The following SPIRE1 variants were observed in gnomAD, a reference collection of about 807,000 sequenced individuals.
SPIRE1 encodes protein spire homolog 1.
In SPIRE1, 40 loss-of-function variants were observed where a neutral mutation model predicts 94.1. The observed-to-expected ratio is 0.43, with a 90% CI of 0.33 to 0.55. The LOEUF (loss-of-function observed/expected upper bound fraction) is 0.55, where lower values mean the gene tolerates loss of function less well. SPIRE1 is among the 20% of genes least tolerant of loss of function. The pLI, the probability that SPIRE1 is intolerant of heterozygous loss-of-function variation, is 0.06. For synonymous variants in SPIRE1, 376 were observed against 371.7 expected (o/e 1.01, Z -0.13); for missense variants, 838 against 975.2 (o/e 0.86, Z 1.87).
At chr18:12,507,115 T>G (rs1207413920) in intron 5 of SPIRE1, among the ~76,000 whole-genome samples, 1 of 152,188 alleles carries the variant, frequency 6.6e-6, no homozygotes, top group Non-Finnish European at 1.5e-5. Flanking sequence ...TGGGTTAGCC[T>G]GTGGTCCCGG....
chr18:12,480,419 A>C (rs2032796293), intron 9 of SPIRE1, among the ~76,000 whole-genome samples: 1 of 152,230 alleles, frequency 6.6e-6, no homozygotes, highest in Admixed American at 6.5e-5. Flanking sequence ...CAATACAACA[A>C]ATGACAGACA....
intron 1 of SPIRE1, chr18:12,656,803 G>A: frequency 7.4e-6 from 3 of 403,428 alleles, no homozygotes; most frequent in Non-Finnish European, 1.0e-5. Flanking sequence ...ACGTAACTAA[G>A]GCCCATTTTC....
At chr18:12,569,069 G>A (rs1422319102) in intron 2 of SPIRE1, among the ~76,000 whole-genome samples, 4 of 152,118 alleles carry the variant, frequency 2.6e-5, no homozygotes, top group Admixed American at 6.5e-5. Flanking sequence ...GGCCGGGTGC[G>A]GTGGCTCATG....
At chr18:12,471,785 ATCT>A (rs939393502) in intron 10 of SPIRE1, among the ~76,000 whole-genome samples, 28 of 152,180 alleles carry the variant, frequency 1.8e-4, no homozygotes, top group South Asian at 1.2e-3. Context: ...CTGTTTTGTT[ATCT>A]TCTTCTTCTT....
At chr18:12,549,512 C>T (rs1368023632) in intron 2 of SPIRE1, among the ~76,000 whole-genome samples, 2 of 120,428 alleles carry the variant, frequency 1.7e-5, no homozygotes, top group East Asian at 2.9e-4. Context: ...AGTGTAGTGG[C>T]GCGATCTCGG....
chr18:12,657,551 C>G lies in SPIRE1; in HGVS notation c.316G>C (p.Gly106Arg). ...TCACCCGCAACTGGGGGCGGCTCTC[C>G]CGCGTCGTCGGCCGCGGGCGCCAGG... The part of the protein sequence containing the change: ...VTLAPAADDA[G>R]EPPPVAGKLG... The change falls in exon 1 of 17, where the codon GGA (glycine) becomes CGA (arginine). Residue 106 changes from glycine to arginine, a missense_variant. Gly to Arg is a moderately radical substitution (Grantham distance 125). This residue lies in a region of SPIRE1 where 193 missense variants were observed against 170.5 expected (regional missense o/e 1.13). Coordinates refer to ENST00000409402, the MANE Select transcript of SPIRE1 (RefSeq NM_001128626.2). 1.6e-6 allele frequency: 2 copies of G among 1,236,352 alleles called. No individual in the cohort carries two copies. The highest frequency in any genetic ancestry group is 7.5e-5 in the South Asian group (2 of 26,802). 76.6% of individuals were successfully genotyped at this position (1,236,352 alleles called of 1,614,324 possible). A position where few individuals can be genotyped will look rare whatever the true frequency, so the allele number is the denominator to read the frequency against.
At chr18:12,518,287 G>A (rs1272516475) in intron 4 of SPIRE1, among the ~76,000 whole-genome samples, 1 of 152,142 alleles carries the variant, frequency 6.6e-6, no homozygotes, top group Non-Finnish European at 1.5e-5. Context: ...TGGGATTATA[G>A]GCGTGAGCAA....
At chr18:12,630,042 A>G (rs1243611046) in intron 2 of SPIRE1, among the ~76,000 whole-genome samples, 1 of 152,202 alleles carries the variant, frequency 6.6e-6, no homozygotes. Context: ...CAGAACTCAT[A>G]ATTTTTAATT....
chr18:12,581,894 C>T (rs2036267613), intron 2 of SPIRE1, among the ~76,000 whole-genome samples: 1 of 151,956 alleles, frequency 6.6e-6, no homozygotes, highest in Admixed American at 6.6e-5. Context: ...GACTGTTGTT[C>T]TAAAATGCTT....
intron 2 of SPIRE1, among the ~76,000 whole-genome samples, chr18:12,570,603 C>G (rs940932493): frequency 7.9e-5 from 12 of 152,144 alleles, no homozygotes; most frequent in African/African-American, 2.7e-4. Context: ...TCCTGGGAAG[C>G]AGACATTAAT....
At chr18:12,587,869 A>G (rs543885418) in intron 2 of SPIRE1, among the ~76,000 whole-genome samples, 9 of 152,342 alleles carry the variant, frequency 5.9e-5, no homozygotes, top group African/African-American at 2.2e-4. Context: ...CAAAGTATCC[A>G]TTTTAATACT....
intron 12 of SPIRE1, among the ~76,000 whole-genome samples, chr18:12,455,004 T>C (rs541880613): frequency 1.3e-5 from 2 of 152,068 alleles, no homozygotes; most frequent in East Asian, 3.9e-4. Context: ...GATGCGATCA[T>C]GGGTCACTGC....
At chr18:12,473,431 C>T (rs375951007) in intron 10 of SPIRE1, among the ~76,000 whole-genome samples, 296 of 152,168 alleles carry the variant, frequency 1.9e-3, no homozygotes, top group South Asian at 8.5e-3. Context: ...AATAGTGTTG[C>T]TCTTTATAAT....
At chr18:12,527,841 T>C (rs2034567928) in intron 4 of SPIRE1, among the ~76,000 whole-genome samples, 1 of 152,078 alleles carries the variant, frequency 6.6e-6, no homozygotes, top group Non-Finnish European at 1.5e-5. Flanking sequence ...CCGAGGTGGG[T>C]GGATCACGAG....
intron 12 of SPIRE1, among the ~76,000 whole-genome samples, chr18:12,461,416 GT>G (rs2031792448): frequency 2.4e-5 from 2 of 82,740 alleles, no homozygotes; most frequent in Admixed American, 2.6e-4. Context: ...ACACATGTAT[GT>G]GTGTGTGTGT....
chr18:12,524,269 A>T (rs573837628), intron 4 of SPIRE1, among the ~76,000 whole-genome samples: 2 of 152,354 alleles, frequency 1.3e-5, no homozygotes, highest in South Asian at 4.1e-4. Flanking sequence ...ATTAGCAGCT[A>T]AAGATAAACT....
At chr18:12,465,036 AAC>A in intron 10 of SPIRE1, 78 bp from the exon 11 acceptor site, 1 of 1,274,476 alleles carries the variant, frequency 7.8e-7, no homozygotes, top group East Asian at 2.5e-5. Flanking sequence ...TTTATTATTA[AAC>A]AGTTATTTTA....
chr18:12,521,336 C>CTTT (rs377466869), intron 4 of SPIRE1, among the ~76,000 whole-genome samples: 2 of 143,452 alleles, frequency 1.4e-5, no homozygotes, highest in Non-Finnish European at 1.5e-5. Context: ...ATAGCAGATA[C>CTTT]TTTTTTTTTT....
intron 6 of SPIRE1, among the ~76,000 whole-genome samples, chr18:12,500,501 A>G (rs1466852555): frequency 6.6e-6 from 1 of 152,204 alleles, no homozygotes; most frequent in African/African-American, 2.4e-5. Context: ...GGCCCCTCAT[A>G]CATTGCTGGT....
Sources: allele counts gnomAD v4.1 joint callset (sites outside exome capture counted in the v4.1 genomes callset), GRCh38; gene constraint gnomAD v4.1.1; regional missense constraint gnomAD v4.1.1; transcripts MANE v1.5; gene names NCBI Gene and HGNC (gene_info 2026-07-23, HGNC 2026-07-21).